Variants in TUBGCP3 observed in about 807,000 individuals in gnomAD.
The protein encoded by TUBGCP3 is gamma-tubulin complex component 3.
In TUBGCP3, 50 loss-of-function variants were observed where a neutral mutation model predicts 123.1. The ratio of observed to expected loss-of-function variants is 0.41; its 90% CI spans 0.32 to 0.51. The LOEUF is 0.51. Among genes scored for constraint, TUBGCP3 ranks in the 20% least tolerant of loss-of-function variants. The pLI, the probability that TUBGCP3 is intolerant of heterozygous loss-of-function variation, is 0.36. For missense variants in TUBGCP3, 882 were observed against 1,127.0 expected (o/e 0.78, Z 3.11); for synonymous variants, 405 against 413.9 (o/e 0.98, Z 0.26).
At chr13:112,502,542 CTTT>C (rs10710530) in intron 19 of TUBGCP3, among the ~76,000 whole-genome samples, 9 of 114,356 alleles carry the variant, frequency 7.9e-5, no homozygotes, top group Admixed American at 9.2e-5. Context: ...TACATTTCTT[CTTT>C]TTTTTTTTTT....
intron 19 of TUBGCP3, among the ~76,000 whole-genome samples, chr13:112,503,078 A>G (rs1881039315): frequency 6.6e-6 from 1 of 152,186 alleles, no homozygotes; most frequent in Admixed American, 6.5e-5. Flanking sequence ...TTCCACTGAC[A>G]GGCCCTGAGG....
In TUBGCP3 at chr13:112,569,176, C is replaced by T; in HGVS notation, c.160G>A (p.Val54Ile). 2.5e-6 allele frequency: 4 copies of T among 1,614,080 alleles called. No homozygotes were observed. Among genetic ancestry groups the T allele is most frequent in the Non-Finnish European group, 3.4e-6 (4 of 1,180,036 alleles). ...CGCTCTTTCTTGATTTTTTCAGCTA[C>T]TAAAAATTCATCTCTTTCAACAGTT... Reference protein sequence around the residue: ...APTVERDEFLVAEKIKKELIR... With the variant: ...APTVERDEFLIAEKIKKELIR... The change falls in exon 2 of 22, where the codon GTA becomes ATA. Residue 54 changes from valine (V) to isoleucine (I), a missense_variant. This residue lies in a region of TUBGCP3 where 713 missense variants were observed against 874.0 expected (regional missense o/e 0.82). Coordinates refer to ENST00000261965, the MANE Select transcript of TUBGCP3 (RefSeq NM_006322.6).
At chr13:112,561,552 G>T (rs1160812963) in intron 3 of TUBGCP3, among the ~76,000 whole-genome samples, 1 of 152,178 alleles carries the variant, frequency 6.6e-6, no homozygotes, top group Admixed American at 6.5e-5. Flanking sequence ...AGGTTCTCAT[G>T]GGGGGCAAGA....
the TUBGCP3 span, among the ~76,000 whole-genome samples, chr13:112,602,104 G>T: frequency 6.6e-6 from 1 of 152,198 alleles, no homozygotes. Context: ...ATGGTCGGGG[G>T]AGACCAGTGT....
intron 1 of TUBGCP3, 92 bp downstream of exon 1, chr13:112,587,813 G>A (rs1010047106): frequency 4.8e-5 from 57 of 1,192,094 alleles, no homozygotes; most frequent in Admixed American, 3.2e-4. Flanking sequence ...CTGCATCCTC[G>A]TTCCTCCAGC....
At chr13:112,527,715 T>C (rs1433579213) in intron 11 of TUBGCP3, among the ~76,000 whole-genome samples, 1 of 152,244 alleles carries the variant, frequency 6.6e-6, no homozygotes, top group Non-Finnish European at 1.5e-5. Context: ...TATGTCTTCC[T>C]TGGAGATTCA....
intron 11 of TUBGCP3, among the ~76,000 whole-genome samples, chr13:112,532,294 A>G (rs1033631315): frequency 1.3e-5 from 2 of 152,226 alleles, no homozygotes; most frequent in Non-Finnish European, 2.9e-5. Flanking sequence ...TACATGGTAA[A>G]CTTTTAAATT....
At chr13:112,586,240 C>CAA (rs200394126) in intron 1 of TUBGCP3, among the ~76,000 whole-genome samples, 1 of 113,872 alleles carries the variant, frequency 8.8e-6, no homozygotes, top group Non-Finnish European at 1.9e-5. Context: ...GACTCTGTCT[C>CAA]AAAAAAAAAA....
intron 3 of TUBGCP3, among the ~76,000 whole-genome samples, chr13:112,561,253 G>A (rs1266856260): frequency 6.6e-6 from 1 of 152,204 alleles, no homozygotes; most frequent in Non-Finnish European, 1.5e-5. Context: ...TCCCCGGTGA[G>A]TCCCTGCAAG....
In TUBGCP3 at chr13:112,504,016, C is replaced by T; in HGVS notation, c.2307+16G>A. 1 of 1,584,050 alleles carries T rather than the reference C, an allele frequency of 6.3e-7. No individual in the cohort carries two copies. Among genetic ancestry groups the T allele is most frequent in the Non-Finnish European group, 8.6e-7 (1 of 1,163,012 alleles). ...ATTCTTTTGGTTTCTTGTTTCTAAG[C>T]AGGTCGGAGTCTTACCCTGGAGTCA... On this transcript the variant is annotated intron_variant, in intron 19 of 21. Transcript: ENST00000261965.
At chr13:112,589,404 A>T (rs180781912), upstream of TUBGCP3, among the ~76,000 whole-genome samples, 112 of 152,350 alleles carry the variant, frequency 7.4e-4, 1 homozygote, top group Admixed American at 2.2e-3. Flanking sequence ...TTACTTAAAG[A>T]TGCAGCTGGA....
At chr13:112,578,049 A>G (rs1394415837) in intron 1 of TUBGCP3, among the ~76,000 whole-genome samples, 2 of 152,190 alleles carry the variant, frequency 1.3e-5, no homozygotes, top group African/African-American at 4.8e-5. Context: ...GTCTTGGAAC[A>G]TGTCCGGGGT....
At chr13:112,595,345 C>T in the TUBGCP3 span, among the ~76,000 whole-genome samples, 2 of 152,204 alleles carry the variant, frequency 1.3e-5, no homozygotes, top group South Asian at 2.1e-4. Context: ...TACAGGCACC[C>T]GCCACCACAC....
At chr13:112,546,480 T>C (rs1878999727) in intron 10 of TUBGCP3, 1 of 152,410 alleles carries the variant, frequency 6.6e-6, no homozygotes, top group South Asian at 2.1e-4. Flanking sequence ...AGAGTTCTTA[T>C]GTTATGCTAA....
intron 10 of TUBGCP3, chr13:112,547,299 T>C (rs922927571): frequency 2.5e-6 from 1 of 401,202 alleles, no homozygotes; most frequent in Non-Finnish European, 4.4e-6. Context: ...CCCTCCTCTT[T>C]CCCACCTCCA....
At chr13:112,544,249 C>A (rs9604353) in intron 11 of TUBGCP3, among the ~76,000 whole-genome samples, 3 of 151,830 alleles carry the variant, frequency 2.0e-5, no homozygotes, top group Non-Finnish European at 2.9e-5. Context: ...GTCAGGAGAT[C>A]GAGACCATCC....
rs1438923443 is a variant in TUBGCP3, at chr13:112,508,711, T to C, written c.2087-3997A>G. Among the ~76,000 whole-genome samples the C allele has an allele frequency of 6.6e-6, 1 of 152,104 alleles. No individual in the cohort carries two copies. The highest frequency in any genetic ancestry group is 2.4e-5 in the African/African-American group (1 of 41,400). On this transcript the variant is annotated intron_variant, in intron 17 of 21. Transcript: ENST00000261965. The surrounding 1 kb of genome is among the most constrained non-coding windows in gnomAD (Gnocchi z 4.2). ...CTCAAATTAGCGTATTTGAATGGAA[T>C]CACTATCCCCCCCAAAGAAGCTCTT...
chr13:112,508,198 G>A lies in TUBGCP3; in HGVS notation c.2087-3484C>T, dbSNP rs1324786593. On this transcript the variant is annotated intron_variant, in intron 17 of 21. Transcript: ENST00000261965. This position sits in a 1 kb window ranked among gnomAD's most constrained non-coding sequence, Gnocchi z 4.2. ...CCCTCGTGCCCCCTAGTCACTCCAA[G>A]CCCGCCTCTCCCTCCTAGCACACAC... Among the ~76,000 whole-genome samples the A allele has an allele frequency of 6.6e-6, 1 of 151,938 alleles. No homozygotes were observed.
At chr13:112,543,135 G>A (rs1401183472) in intron 11 of TUBGCP3, among the ~76,000 whole-genome samples, 1 of 152,142 alleles carries the variant, frequency 6.6e-6, no homozygotes, top group Non-Finnish European at 1.5e-5. Flanking sequence ...GGACAACAAA[G>A]CGAGACTCCA....
Sources: allele counts gnomAD v4.1 joint callset (sites outside exome capture counted in the v4.1 genomes callset), GRCh38; gene constraint gnomAD v4.1.1; regional missense constraint gnomAD v4.1.1; non-coding constraint Gnocchi (gnomAD v3.1); transcripts MANE v1.5; gene names NCBI Gene and HGNC (gene_info 2026-07-23, HGNC 2026-07-21).